IL1RAPL1: variants seen among roughly 807,000 people sequenced by gnomAD.
IL1RAPL1 encodes interleukin 1 receptor accessory protein like 1, also known as interleukin-1 receptor accessory protein-like 1.
Under a neutral mutation model 48.4 loss-of-function variants are expected in IL1RAPL1, and 3 were observed. That is an observed-to-expected ratio of 0.06 (90% CI 0.03 to 0.16). The LOEUF is 0.16. Among genes scored for constraint, IL1RAPL1 ranks in the 10% least tolerant of loss-of-function variants. The probability of loss-of-function intolerance (pLI) is 1.00; values close to 1 mark genes in which losing one functional copy is unlikely to be tolerated. For synonymous variants in IL1RAPL1, 185 were observed against 187.7 expected, an observed-to-expected ratio of 0.99 and a Z score of 0.12; for missense variants, 349 against 530.6, an observed-to-expected ratio of 0.66 and a Z score of 3.36.
At chrX:29,917,335 A>T (rs1052555234) in intron 6 of IL1RAPL1, 129 bp from the exon 7 acceptor site, 1 of 626,973 alleles carries the variant, frequency 1.6e-6, no homozygotes, top group Non-Finnish European at 2.4e-6. Flanking sequence ...AAAATCCCTG[A>T]AAAATTATTC....
chrX:29,863,785 T>C (rs991464538), intron 6 of IL1RAPL1, among the ~76,000 whole-genome samples: 2 of 98,956 alleles, frequency 2.0e-5, no homozygotes, highest in Non-Finnish European at 4.0e-5. Context: ...CACATACAAC[T>C]TTTTTTTTTT....
At chrX:28,848,490 A>G (rs1183988568) in intron 2 of IL1RAPL1, among the ~76,000 whole-genome samples, 2 of 110,655 alleles carry the variant, frequency 1.8e-5, no homozygotes, top group South Asian at 3.8e-4. Context: ...AAAGCAATCA[A>G]CAACTCCTTT....
intron 1 of IL1RAPL1, among the ~76,000 whole-genome samples, chrX:28,763,557 T>A (rs1936200595): frequency 9.0e-6 from 1 of 111,200 alleles, no homozygotes; most frequent in African/African-American, 3.3e-5. Context: ...AAGAAAACAG[T>A]AGTGGAGATA....
intron 5 of IL1RAPL1, among the ~76,000 whole-genome samples, chrX:29,527,400 C>T (rs1348781374): frequency 2.5e-5 from 2 of 79,635 alleles, no homozygotes; most frequent in Admixed American, 2.0e-4. Context: ...TACAGTGGTG[C>T]GATCTCAGCT....
chrX:29,475,200 C>T (rs2147742126), intron 5 of IL1RAPL1, among the ~76,000 whole-genome samples: 1 of 112,052 alleles, frequency 8.9e-6, no homozygotes, highest in Non-Finnish European at 1.9e-5. Flanking sequence ...TTATACTACA[C>T]TGCAGGTCTG....
chrX:28,629,602 T>C (rs73205768), intron 1 of IL1RAPL1, among the ~76,000 whole-genome samples: 1,134 of 112,183 alleles, frequency 0.01, 8 homozygotes, highest in African/African-American at 0.031. Context: ...ATTCTCTAAA[T>C]AGGTAGGATA....
intron 6 of IL1RAPL1, among the ~76,000 whole-genome samples, chrX:29,835,516 G>T (rs1216734851): frequency 2.7e-5 from 3 of 111,918 alleles, no homozygotes; most frequent in Non-Finnish European, 3.8e-5. Flanking sequence ...GATAATGGTG[G>T]CATCATAGAA....
chrX:29,045,566 A>C (rs1194156648), intron 2 of IL1RAPL1, among the ~76,000 whole-genome samples: 1 of 111,475 alleles, frequency 9.0e-6, no homozygotes, highest in Non-Finnish European at 1.9e-5. Flanking sequence ...CCTAGGCTCG[A>C]GGGATCCTCC....
rs183617765 is a variant in IL1RAPL1, at chrX:29,698,875, T to G, written c.778+30371T>G. ...CTAAACTTATTTCTTTTATTTTTAT[T>G]AGTTCTCCATACAGAGAGTAGCCCT... On this transcript the variant is annotated intron_variant, in intron 6 of 10. Coordinates refer to ENST00000378993, the MANE Select transcript of IL1RAPL1 (RefSeq NM_014271.4). Among the ~76,000 whole-genome samples the G allele has an allele frequency of 8.0e-5, 9 of 112,266 alleles. No homozygotes were observed. In the East Asian group the frequency reaches 2.5e-3, roughly 31 times the overall value.
At chrX:29,465,452 C>G (rs1030077748) in intron 5 of IL1RAPL1, among the ~76,000 whole-genome samples, 4 of 111,885 alleles carry the variant, frequency 3.6e-5, no homozygotes, top group Non-Finnish European at 5.6e-5. Context: ...AATGCATATG[C>G]TATTCTTCTA....
intron 5 of IL1RAPL1, among the ~76,000 whole-genome samples, chrX:29,497,321 A>G (rs1212019966): frequency 9.0e-6 from 1 of 111,522 alleles, no homozygotes; most frequent in African/African-American, 3.3e-5. Context: ...CCATATTATA[A>G]TAATTCAACA....
chrX:29,635,509 A>G (rs766905246), intron 5 of IL1RAPL1, among the ~76,000 whole-genome samples: 8 of 111,971 alleles, frequency 7.1e-5, no homozygotes, highest in African/African-American at 2.6e-4. Context: ...TTTCAGGCCA[A>G]CAAGTTCTCA....
intron 2 of IL1RAPL1, among the ~76,000 whole-genome samples, chrX:29,081,846 T>C (rs1225538661): frequency 9.1e-6 from 1 of 110,319 alleles, no homozygotes; most frequent in African/African-American, 3.3e-5. Context: ...ATGTGAGTAG[T>C]GGATCTAGTG....
intron 2 of IL1RAPL1, among the ~76,000 whole-genome samples, chrX:29,197,660 A>T (rs1476708957): frequency 1.8e-5 from 2 of 110,562 alleles, no homozygotes; most frequent in Non-Finnish European, 3.8e-5. Flanking sequence ...TTTACTGGGT[A>T]TCAGCATTAT....
At chrX:28,956,593 T>C (rs1427267629) in intron 2 of IL1RAPL1, among the ~76,000 whole-genome samples, 23 of 101,483 alleles carry the variant, frequency 2.3e-4, no homozygotes, top group African/African-American at 8.2e-4. Context: ...GAACCAGCCT[T>C]GCATCCCAGG....
chrX:29,150,418 C>A (rs753780970), intron 2 of IL1RAPL1, among the ~76,000 whole-genome samples: 29 of 110,766 alleles, frequency 2.6e-4, no homozygotes, highest in Non-Finnish European at 4.9e-4. Context: ...TCTATTATTT[C>A]AATGTAAAAA....
chrX:29,168,705 ATATT>A (rs748498030), intron 2 of IL1RAPL1, among the ~76,000 whole-genome samples: 24 of 85,888 alleles, frequency 2.8e-4, no homozygotes, highest in Middle Eastern at 6.9e-3. Context: ...TTGTATATAT[ATATT>A]CATATGTACA....
At chrX:28,663,410 AAACTTTTATAGG>A (rs1039167899) in intron 1 of IL1RAPL1, among the ~76,000 whole-genome samples, 14 of 112,249 alleles carry the variant, frequency 1.2e-4, no homozygotes, top group African/African-American at 4.5e-4. Flanking sequence ...AGGCTATTAG[AAACTTTTATAGG>A]AATCTGACTG....
chrX:28,745,977 A>G (rs1211882835), intron 1 of IL1RAPL1, among the ~76,000 whole-genome samples: 1 of 111,920 alleles, frequency 8.9e-6, no homozygotes, highest in Non-Finnish European at 1.9e-5. Flanking sequence ...CTTTTTAAAA[A>G]TGAAGCCTAA....
Sources: allele counts gnomAD v4.1 joint callset (sites outside exome capture counted in the v4.1 genomes callset), GRCh38; gene constraint gnomAD v4.1.1; transcripts MANE v1.5; gene names NCBI Gene and HGNC (gene_info 2026-07-23, HGNC 2026-07-21).